KIAA1671: variants seen among roughly 807,000 people sequenced by gnomAD.
The protein encoded by KIAA1671 is uncharacterized protein KIAA1671.
Under a neutral mutation model 131.2 loss-of-function variants are expected in KIAA1671, and 52 were observed. The ratio of observed to expected loss-of-function variants is 0.40; its 90% confidence interval spans 0.32 to 0.50. The LOEUF (loss-of-function observed/expected upper bound fraction) is 0.50, where lower values mean the gene tolerates loss of function less well. KIAA1671 is among the 20% of genes least tolerant of loss of function. The pLI is 0.73. For missense variants in KIAA1671, 2,360 were observed against 2,364.2 expected (o/e 1.00, Z 0.04); for synonymous variants, 1,003 against 961.6 (o/e 1.04, Z -0.80).
chr22:25,007,479 G>A (rs1332089341), intron 1 of KIAA1671, among the ~76,000 whole-genome samples: 4 of 150,984 alleles, frequency 2.6e-5, no homozygotes, highest in African/African-American at 7.3e-5. Context: ...AGTGAGACTC[G>A]GTCTCAAAAA....
chr22:25,055,988 T>A (rs1323049647), intron 6 of KIAA1671: 1 of 148,418 alleles, frequency 6.7e-6, no homozygotes, highest in Non-Finnish European at 1.5e-5. Flanking sequence ...CCCAAGTACC[T>A]GGGACTACAG....
At chr22:25,164,960 A>AGAGAGAG (rs57913075) in intron 6 of KIAA1671, among the ~76,000 whole-genome samples, 1 of 134,172 alleles carries the variant, frequency 7.5e-6, no homozygotes, top group Non-Finnish European at 1.6e-5. Context: ...AAAAAAAAAA[A>AGAGAGAG]AGAGAGAGAG....
intron 6 of KIAA1671, among the ~76,000 whole-genome samples, chr22:25,150,960 G>C (rs1020695649): frequency 6.6e-6 from 1 of 151,498 alleles, no homozygotes. Flanking sequence ...AGCCTCCCAA[G>C]TAGCTGGGAC....
chr22:25,005,775 C>T (rs1924719071), intron 1 of KIAA1671, among the ~76,000 whole-genome samples: 1 of 152,194 alleles, frequency 6.6e-6, no homozygotes, highest in South Asian at 2.1e-4. Flanking sequence ...GTCAGACCAT[C>T]AGCCCTGTGT....
At chr22:25,137,321 A>G (rs938532100) in intron 6 of KIAA1671, among the ~76,000 whole-genome samples, 1 of 152,140 alleles carries the variant, frequency 6.6e-6, no homozygotes, top group Admixed American at 6.5e-5. Flanking sequence ...CAGCAAGAAT[A>G]GGAATAGCAG....
At chr22:24,980,244 T>A (rs1397385285) in intron 1 of KIAA1671, among the ~76,000 whole-genome samples, 1 of 151,800 alleles carries the variant, frequency 6.6e-6, no homozygotes, top group Non-Finnish European at 1.5e-5. Context: ...AAATATCAGT[T>A]CAAGTCCCTA....
At chr22:24,994,166 A>G (rs1449202961) in intron 1 of KIAA1671, among the ~76,000 whole-genome samples, 1 of 152,140 alleles carries the variant, frequency 6.6e-6, no homozygotes, top group Non-Finnish European at 1.5e-5. Flanking sequence ...CACATTTCAA[A>G]ATGGGGTGTG....
In KIAA1671 at chr22:25,049,250, G is replaced by A. The variant is rs1868255975; in HGVS notation, c.4416G>A (p.Glu1472=). 1.9e-6 allele frequency: 3 copies of A among 1,551,938 alleles called. No homozygotes were observed. The South Asian group carries it at 3.6e-5, about 18-fold the overall frequency. Residue 1472 remains glutamate (E), a synonymous_variant, in exon 6 of 13, where the codon GAG becomes GAA. Transcript: ENST00000358431. ...DSHKVLPRDL[E]KEDAPQEKER... is the part of the protein sequence containing the mutation. ...TTCAGGTGCTGCCACGGGACCTGGA[G>A]AAGGAGGATGCCCCCCAGGAGAAGG...
chr22:25,103,560 G>A (rs905339650), intron 6 of KIAA1671, among the ~76,000 whole-genome samples: 5 of 152,032 alleles, frequency 3.3e-5, no homozygotes, highest in Non-Finnish European at 5.9e-5. Flanking sequence ...AGGTTTCACC[G>A]TGTTAGCCAG....
chr22:24,960,867 A>G (rs547662288), intron 1 of KIAA1671, among the ~76,000 whole-genome samples: 1 of 152,154 alleles, frequency 6.6e-6, no homozygotes, highest in African/African-American at 2.4e-5. Context: ...TGTGCGAGAG[A>G]CAGCCTCTTT....
chr22:25,178,299 A>G (rs1234741677), intron 9 of KIAA1671, among the ~76,000 whole-genome samples: 3 of 152,154 alleles, frequency 2.0e-5, no homozygotes, highest in Admixed American at 2.0e-4. Flanking sequence ...CTGGGTGCCA[A>G]GTGGGAAGGG....
chr22:25,055,785 T>G (rs1270657305), intron 6 of KIAA1671: 3 of 113,768 alleles, frequency 2.6e-5, no homozygotes, highest in East Asian at 4.2e-4. Context: ...CAAACATATA[T>G]ATAGATAGAT....
chr22:25,142,946 C>T (rs1932827294), intron 6 of KIAA1671, among the ~76,000 whole-genome samples: 1 of 152,216 alleles, frequency 6.6e-6, no homozygotes, highest in Non-Finnish European at 1.5e-5. Flanking sequence ...TGGGGACTGG[C>T]CCTTCAGAGG....
At chr22:25,020,325 A>G (rs6004397) in intron 1 of KIAA1671, among the ~76,000 whole-genome samples, 51,067 of 152,046 alleles carry the variant, frequency 0.34, 9,176 homozygotes, top group African/African-American at 0.44. Context: ...CATGGTGCCT[A>G]ACTCTTGATG....
intron 6 of KIAA1671, among the ~76,000 whole-genome samples, chr22:25,165,015 G>GTGTGTGTGTC (rs1933598281): frequency 6.7e-6 from 1 of 149,784 alleles, no homozygotes; most frequent in South Asian, 2.1e-4. Flanking sequence ...GTGTGTGTGT[G>GTGTGTGTGTC]TGTGTGTCTG....
chr22:25,183,233 A>G (rs191791476), intron 10 of KIAA1671, among the ~76,000 whole-genome samples: 33 of 152,344 alleles, frequency 2.2e-4, no homozygotes, highest in African/African-American at 7.2e-4. Flanking sequence ...AGGCCACACA[A>G]TCCCCATGTG....
In KIAA1671 at chr22:25,028,134, C is replaced by T. The variant is rs1602078489; in HGVS notation, c.135C>T (p.Ala45=). 1 of 1,551,252 alleles carries T rather than the reference C, an allele frequency of 6.4e-7. No homozygotes were observed. ...GCGAAGCCTCTGGGGCTCCCCCAGCCCGGATCTTGGAAGCGAAGAGCCCCC... is the reference window on the plus strand; with the variant it reads ...GCGAAGCCTCTGGGGCTCCCCCAGCTCGGATCTTGGAAGCGAAGAGCCCCC... ...QAGEASGAPP[A]RILEAKSPLR... Residue 45 remains alanine (A), a synonymous_variant, in exon 3 of 13, where the codon GCC becomes GCT. Coordinates refer to ENST00000358431, the MANE Select transcript of KIAA1671 (RefSeq NM_001145206.2).
intron 12 of KIAA1671, among the ~76,000 whole-genome samples, chr22:25,191,945 G>A (rs1249562805): frequency 6.6e-6 from 1 of 151,772 alleles, no homozygotes; most frequent in Non-Finnish European, 1.5e-5. Flanking sequence ...TGATTATGGT[G>A]GTGTTACATA....
At chr22:25,022,340 CTG>C (rs1307767679) in intron 1 of KIAA1671, among the ~76,000 whole-genome samples, 5 of 152,154 alleles carry the variant, frequency 3.3e-5, no homozygotes, top group African/African-American at 1.2e-4. Flanking sequence ...AGCTGCCAAA[CTG>C]TTTGGTTTTG....
Sources: allele counts gnomAD v4.1 joint callset (sites outside exome capture counted in the v4.1 genomes callset), GRCh38; gene constraint gnomAD v4.1.1; transcripts MANE v1.5; gene names NCBI Gene and HGNC (gene_info 2026-07-23, HGNC 2026-07-21).